Variants in WDR64 observed in about 807,000 individuals in gnomAD.
The protein encoded by WDR64 is WD repeat domain 64.
Under a neutral mutation model 139.3 loss-of-function variants are expected in WDR64, and 112 were observed. The observed-to-expected ratio is 0.80, with a 90% CI of 0.69 to 0.94. WDR64 has a LOEUF of 0.94. Ranked by LOEUF, WDR64 falls within the 40% of genes least tolerant of loss-of-function variation. The pLI is 0.00. For missense variants in WDR64, 1,206 were observed against 1,293.1 expected (o/e 0.93, Z 1.03); for synonymous variants, 444 against 437.7 (o/e 1.01, Z -0.18).
chr1:241,687,404 CAT>C, intron 7 of WDR64, 55 bp from the exon 8 acceptor site: 1 of 1,574,924 alleles, frequency 6.3e-7, no homozygotes, highest in Non-Finnish European at 8.7e-7. Context: ...TGAATAGAAA[CAT>C]ATTATACGTT....
chr1:241,754,004 C>T lies in WDR64; in HGVS notation c.1771-3279C>T, dbSNP rs1057020315. On this transcript the variant is annotated intron_variant, in intron 14 of 27. Transcript: ENST00000437684. The stretch of plus-strand genomic sequence containing the variant: ...GAAAAGACCATTGCACTCTAGCTAA[C>T]TGAAGAAGGGTTAGGAACCAGGATA... 3.3e-5 allele frequency among the ~76,000 whole-genome samples: 5 copies of T among 151,826 alleles called. No individual in the cohort carries two copies. The East Asian group carries it at 9.7e-4, about 29-fold the overall frequency.
intron 8 of WDR64, among the ~76,000 whole-genome samples, chr1:241,710,531 TG>T (rs1190430579): frequency 4.4e-4 from 1 of 2,286 alleles, no homozygotes; most frequent in East Asian, 8.9e-3. Flanking sequence ...TGGAGATGGG[TG>T]GGAGGGTGGG....
At chr1:241,725,980 G>T (rs1409310952) in intron 10 of WDR64, among the ~76,000 whole-genome samples, 1 of 152,098 alleles carries the variant, frequency 6.6e-6, no homozygotes, top group African/African-American at 2.4e-5. Flanking sequence ...CTCCCCAGTA[G>T]CTGGGACTAC....
chr1:241,663,609 C>T (rs1329152707), intron 2 of WDR64, among the ~76,000 whole-genome samples: 3 of 152,232 alleles, frequency 2.0e-5, no homozygotes, highest in East Asian at 1.9e-4. Flanking sequence ...CCCTGGTAGA[C>T]GATGGCCCAT....
At chr1:241,687,691 T>G in intron 8 of WDR64, 96 bp downstream of exon 8, 2 of 1,294,800 alleles carry the variant, frequency 1.5e-6, no homozygotes, top group South Asian at 3.0e-5. Flanking sequence ...AAACTGGCTT[T>G]AAAAAAATCG....
chr1:241,667,853 A>G (rs1468254699), intron 2 of WDR64, among the ~76,000 whole-genome samples: 1 of 152,226 alleles, frequency 6.6e-6, no homozygotes, highest in Non-Finnish European at 1.5e-5. Context: ...AGTGGAAACC[A>G]TTGTTGTTTT....
chr1:241,719,654 C>CTT (rs1467844808), intron 9 of WDR64, among the ~76,000 whole-genome samples: 1 of 152,142 alleles, frequency 6.6e-6, no homozygotes, highest in Non-Finnish European at 1.5e-5. Flanking sequence ...CCCTCCATAC[C>CTT]TGACATGCCC....
intron 14 of WDR64, 148 bp from the exon 15 acceptor site, chr1:241,757,135 A>T (rs960221538): frequency 1.3e-5 from 8 of 636,720 alleles, no homozygotes; most frequent in African/African-American, 1.9e-5. Flanking sequence ...GAGGAATTAT[A>T]TTAATAAGCA....
At chr1:241,789,077 C>A (rs556009824) in intron 24 of WDR64, among the ~76,000 whole-genome samples, 1 of 152,080 alleles carries the variant, frequency 6.6e-6, no homozygotes, top group East Asian at 1.9e-4. Context: ...GTGCTCACCA[C>A]ACAGCAGGCA....
Position 241,652,530 on chromosome 1 carries a change from A to G in WDR64, c.46A>G (p.Ser16Gly). Residue 16 changes from serine to glycine, a missense_variant, in exon 1 of 28, where the codon AGC (serine) becomes GGC (glycine). Transcript: ENST00000437684. ...EKRLNMALQM[S>G]NFKKALNRFE... ...GCGTCTCAACATGGCACTTCAGATG[A>G]GCAATTTCAAAAAGGCTTTGAACAG... The G allele has an allele frequency of 1.3e-6, 2 of 1,552,292 alleles. No homozygotes were observed. The highest frequency in any genetic ancestry group is 2.7e-5 in the African/African-American group (2 of 73,190).
Position 241,652,436 on chromosome 1 carries a change from A to C in WDR64, c.-49A>C. 1 of 1,518,742 alleles carries C rather than the reference A, an allele frequency of 6.6e-7. No homozygotes were observed. The highest frequency in any genetic ancestry group is 8.8e-7 in the Non-Finnish European group (1 of 1,132,552). 94.1% of individuals were successfully genotyped at this position (1,518,742 alleles called of 1,614,324 possible). A position where few individuals can be genotyped will look rare whatever the true frequency, so the allele number is the denominator to read the frequency against. On this transcript the variant is annotated 5_prime_UTR_variant, in exon 1 of 28. Transcript: ENST00000437684. ...AACTGGAAAGTTTTCCAAATTGGTA[A>C]ACTTGCAGTATTCTTTCTGTACAGA...
At chr1:241,782,043 T>G (rs533137169) in intron 22 of WDR64, among the ~76,000 whole-genome samples, 3 of 152,208 alleles carry the variant, frequency 2.0e-5, no homozygotes, top group Admixed American at 2.0e-4. Context: ...TCCCAGCACT[T>G]TGGGAGGCTG....
At chr1:241,782,243 G>A (rs1658871335) in intron 22 of WDR64, among the ~76,000 whole-genome samples, 1 of 152,206 alleles carries the variant, frequency 6.6e-6, no homozygotes, top group African/African-American at 2.4e-5. Context: ...AGCCGAGATC[G>A]CGCCACCGCA....
rs1367017309 is a variant in WDR64 at position 241,749,467 on chromosome 1, G to A, written c.1595-80G>A. On this transcript the variant is annotated intron_variant, in intron 13 of 27. Coordinates refer to ENST00000437684, the MANE Select transcript of WDR64 (RefSeq NM_001367482.1). ...AATTGTTGGCAGAAAGCTTTCGATC[G>A]GATGAATTTTCTCTGAGCGAAAAGC... 12 of 1,483,306 alleles carry A rather than the reference G, an allele frequency of 8.1e-6. No individual in the cohort carries two copies. The South Asian group carries it at 1.1e-4, about 14-fold the overall frequency. 91.9% of individuals were successfully genotyped at this position (1,483,306 alleles called of 1,614,324 possible). A position where few individuals can be genotyped will look rare whatever the true frequency, so the allele number is the denominator to read the frequency against.
At chr1:241,728,649 ATTGAACAGATG>A (rs1443676110) in intron 10 of WDR64, among the ~76,000 whole-genome samples, 1 of 152,208 alleles carries the variant, frequency 6.6e-6, no homozygotes, top group Admixed American at 6.5e-5. Flanking sequence ...GAGCCCAAGT[ATTGAACAGATG>A]TGCCACATCT....
intron 2 of WDR64, among the ~76,000 whole-genome samples, chr1:241,670,617 CA>C (rs1307916249): frequency 6.6e-6 from 1 of 152,186 alleles, no homozygotes; most frequent in Non-Finnish European, 1.5e-5. Flanking sequence ...CCCACCAGTC[CA>C]TGGACTGTTA....
chr1:241,747,815 G>T (rs932308250), intron 13 of WDR64, among the ~76,000 whole-genome samples: 4 of 152,202 alleles, frequency 2.6e-5, no homozygotes, highest in African/African-American at 9.6e-5. Context: ...CACTTCCGCG[G>T]AAGGCAGGAC....
At chr1:241,717,004 C>T (rs1190926192) in intron 9 of WDR64, among the ~76,000 whole-genome samples, 3 of 152,136 alleles carry the variant, frequency 2.0e-5, no homozygotes, top group Admixed American at 2.0e-4. Flanking sequence ...GCCTCATCAT[C>T]CAGGAATGAT....
chr1:241,793,952 C>T (rs143380090), intron 25 of WDR64, among the ~76,000 whole-genome samples: 239 of 152,222 alleles, frequency 1.6e-3, no homozygotes, highest in African/African-American at 5.3e-3. Context: ...GAGGCTGAGG[C>T]GGGTGGATCA....
Sources: gnomAD v4.1 joint callset for allele counts (sites outside exome capture counted in the v4.1 genomes callset) on GRCh38, gnomAD v4.1.1 for gene constraint, MANE v1.5 for transcripts, NCBI Gene and HGNC (gene_info 2026-07-23, HGNC 2026-07-21) for gene names.